FGF13: variants seen among roughly 807,000 people sequenced by gnomAD.
FGF13 encodes the protein fibroblast growth factor 13, also known as fibroblast growth factor homologous factor 2.
A neutral mutation model predicts 19.5 loss-of-function variants in FGF13; 2 were observed. The ratio of observed to expected loss-of-function variants is 0.10; its 90% CI spans 0.04 to 0.32. The LOEUF is 0.32. Ranked by LOEUF, FGF13 falls within the 10% of genes least tolerant of loss-of-function variation. The pLI is 1.00. For missense variants in FGF13, 113 were observed against 192.7 expected, an observed-to-expected ratio of 0.59 and a Z score of 2.45; for synonymous variants, 72 against 76.9, an observed-to-expected ratio of 0.94 and a Z score of 0.33.
intron 1 of FGF13, among the ~76,000 whole-genome samples, chrX:138,967,664 A>G (rs2091900498): frequency 9.0e-6 from 1 of 111,611 alleles, no homozygotes; most frequent in Non-Finnish European, 1.9e-5. Flanking sequence ...CTCAAGCCAC[A>G]ATTTTGAATA....
At chrX:138,774,314 G>A (rs181032400) in intron 3 of FGF13, among the ~76,000 whole-genome samples, 99 of 111,939 alleles carry the variant, frequency 8.8e-4, no homozygotes, top group Non-Finnish European at 1.6e-3. Context: ...TGATGGTGAC[G>A]AAGACAGCTA....
At chrX:139,137,071 T>C (rs1277306627) in intron 1 of FGF13, among the ~76,000 whole-genome samples, 1 of 112,038 alleles carries the variant, frequency 8.9e-6, no homozygotes. Context: ...TTCACCTATG[T>C]TATCCCATGA....
rs139282206 is a variant in FGF13, at chrX:138,729,910, A to C, written c.28+9332T>G. Among the ~76,000 whole-genome samples, 325 of 111,611 alleles carry C rather than the reference A, an allele frequency of 2.9e-3. 4 individuals carry two copies. The highest frequency in any genetic ancestry group is 9.3e-3 in the African/African-American group (286 of 30,826). ...TCTTTAAAGTGCTGAAAGAAAAATA[A>C]AATCTGCCAAACTTGAATTACATAT... is the stretch of plus-strand genomic sequence containing the variant. On this transcript the variant is annotated intron_variant, in intron 1 of 4. Coordinates refer to the FGF13 transcript ENST00000305414.
intron 3 of FGF13, among the ~76,000 whole-genome samples, chrX:138,759,471 G>A (rs1490719554): frequency 1.8e-5 from 2 of 112,492 alleles, no homozygotes; most frequent in Admixed American, 9.4e-5. Flanking sequence ...AGGGAAGAAT[G>A]AAGTTCTAAT....
chrX:138,636,677 T>C (rs1371425398), intron 3 of FGF13, among the ~76,000 whole-genome samples: 2 of 111,985 alleles, frequency 1.8e-5, no homozygotes, highest in East Asian at 2.8e-4. Context: ...CTACATGTCA[T>C]AGAGGCACCA....
At chrX:139,066,603 C>A (rs1352473510) in intron 1 of FGF13, among the ~76,000 whole-genome samples, 1 of 111,350 alleles carries the variant, frequency 9.0e-6, no homozygotes, top group Non-Finnish European at 1.9e-5. Flanking sequence ...CTGAATAGAC[C>A]AGTAACAACT....
intron 1 of FGF13, among the ~76,000 whole-genome samples, chrX:138,941,139 T>C (rs1451187497): frequency 1.8e-5 from 2 of 111,304 alleles, no homozygotes; most frequent in African/African-American, 6.5e-5. Flanking sequence ...AGCATTCCTC[T>C]TGAAAACCAG....
At chrX:138,970,120 G>A (rs756832884) in intron 1 of FGF13, among the ~76,000 whole-genome samples, 14 of 111,345 alleles carry the variant, frequency 1.3e-4, no homozygotes, top group Non-Finnish European at 1.9e-4. Context: ...CATCCACCAC[G>A]CCTATTTATT....
At chrX:139,056,076 T>C (rs2092319901) in intron 1 of FGF13, among the ~76,000 whole-genome samples, 1 of 112,562 alleles carries the variant, frequency 8.9e-6, no homozygotes, top group African/African-American at 3.2e-5. Context: ...AATGAATGAA[T>C]ATAAGTGTCT....
chrX:138,747,125 G>A (rs1346182862), intron 3 of FGF13, among the ~76,000 whole-genome samples: 1 of 111,323 alleles, frequency 9.0e-6, no homozygotes, highest in Non-Finnish European at 1.9e-5. Flanking sequence ...GCTGACAACA[G>A]AATCCTATGG....
At chrX:138,819,168 G>C (rs2090982171) in intron 3 of FGF13, among the ~76,000 whole-genome samples, 1 of 111,478 alleles carries the variant, frequency 9.0e-6, no homozygotes, top group Non-Finnish European at 1.9e-5. Context: ...ACCCAGATCT[G>C]CTACTTACTT....
intron 1 of FGF13, among the ~76,000 whole-genome samples, chrX:139,106,880 A>G (rs1456197930): frequency 1.8e-5 from 2 of 112,281 alleles, no homozygotes; most frequent in Non-Finnish European, 3.8e-5. Context: ...GGGGGAAGAA[A>G]GCAAGAGTGT....
intron 1 of FGF13, among the ~76,000 whole-genome samples, chrX:138,890,557 C>T (rs1569418818): frequency 8.9e-6 from 1 of 111,796 alleles, no homozygotes; most frequent in East Asian, 2.8e-4. Context: ...CCATAATAAC[C>T]TTGTGAGGAA....
At chrX:138,886,443 T>A (rs886831218) in intron 1 of FGF13, among the ~76,000 whole-genome samples, 12 of 112,543 alleles carry the variant, frequency 1.1e-4, no homozygotes, top group African/African-American at 3.2e-4. Flanking sequence ...CCTAGTATTT[T>A]GAAAAGCCAA....
chrX:138,783,804 C>A (rs1386993454), intron 3 of FGF13, among the ~76,000 whole-genome samples: 2 of 109,962 alleles, frequency 1.8e-5, no homozygotes, highest in East Asian at 2.9e-4. Context: ...ACGCAGCCAT[C>A]CCATTACTGG....
intron 1 of FGF13, among the ~76,000 whole-genome samples, chrX:138,731,446 G>T (rs2090230053): frequency 9.7e-6 from 1 of 102,581 alleles, no homozygotes. Flanking sequence ...TAAGTCATGA[G>T]TAAAAAAAAA....
intron 1 of FGF13, among the ~76,000 whole-genome samples, chrX:138,888,000 T>G (rs2091459297): frequency 8.9e-6 from 1 of 112,471 alleles, no homozygotes; most frequent in South Asian, 3.7e-4. Context: ...GTTATAGTTT[T>G]TCCCATATCT....
Position 138,724,223 on chromosome X carries a change from T to C in FGF13, c.28+15019A>G, listed in dbSNP as rs762431596. Among the ~76,000 whole-genome samples, 14 of 112,141 alleles carry C rather than the reference T, an allele frequency of 1.2e-4. No homozygotes were observed. The South Asian group carries it at 5.2e-3, about 41-fold the overall frequency. ...TCCAACAATAGGGATTGTATAAAAA[T>C]AGGTAGCATGGACTATCTTGAAAGG... On this transcript the variant is annotated intron_variant, in intron 1 of 4. Coordinates refer to the FGF13 transcript ENST00000305414.
At chrX:139,076,698 G>GA (rs1461329516) in intron 1 of FGF13, among the ~76,000 whole-genome samples, 17 of 110,006 alleles carry the variant, frequency 1.5e-4, no homozygotes, top group South Asian at 1.2e-3. Context: ...CTGGAAAACT[G>GA]AAAAAAAAAT....
Sources: allele counts gnomAD v4.1 joint callset (sites outside exome capture counted in the v4.1 genomes callset), GRCh38; gene constraint gnomAD v4.1.1; transcripts MANE v1.5; gene names NCBI Gene and HGNC (gene_info 2026-07-23, HGNC 2026-07-21).